The following DAB1 variants were observed in gnomAD, a reference collection of about 807,000 sequenced individuals.
DAB1 encodes DAB adaptor protein 1, also known as disabled homolog 1.
Under a neutral mutation model 64.6 loss-of-function variants are expected in DAB1, and 15 were observed. The ratio of observed to expected loss-of-function variants is 0.23; its 90% CI spans 0.16 to 0.36. The LOEUF (loss-of-function observed/expected upper bound fraction) is 0.36. Ranked by LOEUF, DAB1 falls within the 10% of genes least tolerant of loss-of-function variation. The pLI, the probability that DAB1 is intolerant of heterozygous loss-of-function variation, is 1.00. For synonymous variants in DAB1, 235 were observed against 251.9 expected (o/e 0.93, Z 0.64); for missense variants, 596 against 706.7 (o/e 0.84, Z 1.78).
At chr1:57,801,978 A>ACACCAGT (rs1262134578) in intron 6 of DAB1, among the ~76,000 whole-genome samples, 2 of 152,142 alleles carry the variant, frequency 1.3e-5, no homozygotes, top group African/African-American at 4.8e-5. Context: ...AGAGTATTTC[A>ACACCAGT]CACCAGTCAC....
At chr1:57,238,568 C>T (rs559013804) in intron 2 of DAB1, among the ~76,000 whole-genome samples, 1 of 152,218 alleles carries the variant, frequency 6.6e-6, no homozygotes, top group African/African-American at 2.4e-5. Context: ...ATGAGGTCAC[C>T]TATGTTCTTT....
At chr1:57,217,667 C>T (rs1391313056) in intron 2 of DAB1, among the ~76,000 whole-genome samples, 1 of 152,174 alleles carries the variant, frequency 6.6e-6, no homozygotes, top group Non-Finnish European at 1.5e-5. Context: ...ACAGAATGCA[C>T]TAAAGCCAAT....
At chr1:58,433,995 AAGG>A (rs1368972189) in intron 3 of DAB1, among the ~76,000 whole-genome samples, 1 of 152,158 alleles carries the variant, frequency 6.6e-6, no homozygotes, top group Non-Finnish European at 1.5e-5. Flanking sequence ...GAAAAACAGC[AAGG>A]AGGCCAATGA....
At chr1:58,342,048 C>T (rs1458409283) in intron 4 of DAB1, among the ~76,000 whole-genome samples, 1 of 152,158 alleles carries the variant, frequency 6.6e-6, no homozygotes, top group Admixed American at 6.6e-5. Context: ...CTTGGCCTCA[C>T]AACTTCCATT....
intron 5 of DAB1, among the ~76,000 whole-genome samples, chr1:58,123,643 G>A (rs532100652): frequency 1.2e-3 from 182 of 152,242 alleles, no homozygotes; most frequent in African/African-American, 3.9e-3. Flanking sequence ...AAAAAGGCCT[G>A]CTTAGGGCCC....
At chr1:57,563,628 C>T (rs1008022387) in intron 7 of DAB1, among the ~76,000 whole-genome samples, 11 of 152,204 alleles carry the variant, frequency 7.2e-5, no homozygotes, top group African/African-American at 2.4e-4. Flanking sequence ...GCAAACGGCA[C>T]ACCAAGAGAT....
At chr1:58,349,746 A>G (rs908913925) in intron 3 of DAB1, among the ~76,000 whole-genome samples, 4 of 152,068 alleles carry the variant, frequency 2.6e-5, no homozygotes, top group Non-Finnish European at 4.4e-5. Flanking sequence ...GCTGAGAATG[A>G]TGGTTTCCAG....
intron 6 of DAB1, among the ~76,000 whole-genome samples, chr1:57,819,902 C>T (rs1308816450): frequency 1.3e-5 from 2 of 152,340 alleles, no homozygotes; most frequent in South Asian, 4.1e-4. Context: ...AACTCACCTC[C>T]TAAACTCTGT....
At chr1:58,285,376 C>CTTAT (rs1661658316) in intron 4 of DAB1, among the ~76,000 whole-genome samples, 1 of 152,074 alleles carries the variant, frequency 6.6e-6, no homozygotes, top group African/African-American at 2.4e-5. Context: ...ATAACATGAT[C>CTTAT]TTATATCTAG....
intron 5 of DAB1, among the ~76,000 whole-genome samples, chr1:58,141,021 GC>G (rs1264576459): frequency 1.3e-5 from 2 of 152,154 alleles, no homozygotes; most frequent in Admixed American, 6.5e-5. Context: ...TATACAGGAA[GC>G]ATGGTGCCAG....
At chr1:57,281,405 T>C (rs767749881) in intron 2 of DAB1, among the ~76,000 whole-genome samples, 2 of 151,884 alleles carry the variant, frequency 1.3e-5, no homozygotes, top group South Asian at 2.1e-4. Context: ...ACAGAAAAAA[T>C]GTATTCCCAG....
In DAB1 at chr1:56,997,620, C is replaced by G. The variant is rs1366933321; in HGVS notation, c.*524G>C. ...CCAGGCCCCATGGAGTGACAAAAAA[C>G]ACATCATCCTATGTGAAAAGGCATA... is the stretch of plus-strand genomic sequence containing the variant. On this transcript the variant is annotated 3_prime_UTR_variant, in exon 15 of 15. Transcript: ENST00000371236. The G allele has an allele frequency of 1.3e-5, 2 of 152,050 alleles. No homozygotes were observed. The highest frequency in any genetic ancestry group is 2.9e-5 in the Non-Finnish European group (2 of 67,996). 9.4% of individuals were successfully genotyped at this position (152,050 alleles called of 1,614,324 possible). A position where few individuals can be genotyped will look rare whatever the true frequency, so the allele number is the denominator to read the frequency against.
At chr1:57,582,153 T>A (rs1645321067) in intron 7 of DAB1, among the ~76,000 whole-genome samples, 1 of 152,174 alleles carries the variant, frequency 6.6e-6, no homozygotes, top group African/African-American at 2.4e-5. Flanking sequence ...ATTAGTCCAT[T>A]TTCACACTGA....
At chr1:58,417,571 A>G (rs1644732889) in intron 3 of DAB1, among the ~76,000 whole-genome samples, 1 of 152,342 alleles carries the variant, frequency 6.6e-6, no homozygotes, top group Non-Finnish European at 1.5e-5. Flanking sequence ...TTGTCCCTCC[A>G]GCCCTAAGGA....
intron 1 of DAB1, among the ~76,000 whole-genome samples, chr1:57,418,162 T>C (rs1034007974): frequency 3.3e-5 from 5 of 152,186 alleles, no homozygotes; most frequent in African/African-American, 4.8e-5. Flanking sequence ...AGGTGCTCAG[T>C]AAACATTTGT....
intron 4 of DAB1, among the ~76,000 whole-genome samples, chr1:57,116,739 T>C (rs1021040845): frequency 6.6e-6 from 1 of 152,280 alleles, no homozygotes. Context: ...TATAGCCCAA[T>C]GGCTTCAATA....
At chr1:57,288,587 T>C (rs888889519) in intron 2 of DAB1, among the ~76,000 whole-genome samples, 8 of 152,282 alleles carry the variant, frequency 5.3e-5, no homozygotes, top group East Asian at 1.9e-4. Flanking sequence ...AGGAACCAAA[T>C]TGGCTGGCAC....
At chr1:57,689,079 T>A (rs560215372) in intron 6 of DAB1, among the ~76,000 whole-genome samples, 22 of 152,296 alleles carry the variant, frequency 1.4e-4, no homozygotes, top group Admixed American at 1.3e-3. Context: ...GTTGAAATTA[T>A]TTTTTAAAAA....
At chr1:58,259,942 T>TGTG in intron 4 of DAB1, among the ~76,000 whole-genome samples, 1 of 152,230 alleles carries the variant, frequency 6.6e-6, no homozygotes, top group Non-Finnish European at 1.5e-5. Context: ...TTAAACCATT[T>TGTG]AACCTTCACA....
Sources: allele counts gnomAD v4.1 joint callset (sites outside exome capture counted in the v4.1 genomes callset), GRCh38; gene constraint gnomAD v4.1.1; transcripts MANE v1.5; gene names NCBI Gene and HGNC (gene_info 2026-07-23, HGNC 2026-07-21).